NME7: variants seen among roughly 807,000 people sequenced by gnomAD.
The protein encoded by NME7 is NME/NM23 family member 7.
Under a neutral mutation model 49.1 loss-of-function variants are expected in NME7, and 41 were observed. That is an observed-to-expected ratio of 0.83 (90% CI 0.65 to 1.08). NME7 has a LOEUF of 1.08. NME7 is among the 50% of genes least tolerant of loss of function. The probability of loss-of-function intolerance (pLI) is 0.00; values close to 1 mark genes in which losing one functional copy is unlikely to be tolerated. For missense variants in NME7, 423 were observed against 463.4 expected, an observed-to-expected ratio of 0.91 and a Z score of 0.80; for synonymous variants, 139 against 150.6, an observed-to-expected ratio of 0.92 and a Z score of 0.56.
intron 7 of NME7, among the ~76,000 whole-genome samples, chr1:169,279,441 A>G (rs1210345426): frequency 6.6e-5 from 10 of 152,124 alleles, no homozygotes; most frequent in African/African-American, 2.2e-4. Context: ...TTGATCTCAC[A>G]CTGCTGTGCT....
At chr1:169,240,229 AT>A (rs1388604197) in intron 7 of NME7, among the ~76,000 whole-genome samples, 1 of 151,942 alleles carries the variant, frequency 6.6e-6, no homozygotes, top group African/African-American at 2.4e-5. Flanking sequence ...TGTGAGGAAA[AT>A]TATAATTTTT....
At chr1:169,177,831 C>CT (rs1659800669) in intron 10 of NME7, among the ~76,000 whole-genome samples, 1 of 130,054 alleles carries the variant, frequency 7.7e-6, no homozygotes, top group Non-Finnish European at 1.7e-5. Flanking sequence ...CAGCAATTCT[C>CT]TTTTTTTGTT....
At chr1:169,340,591 A>G (rs528878439) in intron 1 of NME7, among the ~76,000 whole-genome samples, 1 of 152,322 alleles carries the variant, frequency 6.6e-6, no homozygotes, top group African/African-American at 2.4e-5. Flanking sequence ...CTCAGAAGAA[A>G]AGAAGATGTG....
rs1171562921 is a variant in NME7 at position 169,275,008 on chromosome 1, G to T, written c.754+12295C>A. Among the ~76,000 whole-genome samples, 2 of 132,448 alleles carry T rather than the reference G, an allele frequency of 1.5e-5. 1 individual carries two copies. The highest frequency in any genetic ancestry group is 3.5e-5 in the Non-Finnish European group (2 of 56,544). The allele number at this position is 132,448 out of a possible 152,430, so 86.9% of individuals were successfully genotyped here. Reference sequence around the variant, plus strand: ...GTTTTTTCCAATTCTGTGAAGAAAGGCATTGGTAGCTTGATGGGGATGGCA... The same window carrying T: ...GTTTTTTCCAATTCTGTGAAGAAAGTCATTGGTAGCTTGATGGGGATGGCA... On this transcript the variant is annotated intron_variant, in intron 7 of 11. Coordinates refer to ENST00000367811, the MANE Select transcript of NME7 (RefSeq NM_013330.5).
chr1:169,218,184 T>C (rs943994557), intron 10 of NME7, among the ~76,000 whole-genome samples: 2 of 152,312 alleles, frequency 1.3e-5, no homozygotes, highest in Admixed American at 6.5e-5. Flanking sequence ...ACAGTTTAGC[T>C]ACACTTTTAG....
intron 10 of NME7, among the ~76,000 whole-genome samples, chr1:169,225,297 T>A (rs1351426792): frequency 6.6e-6 from 1 of 152,108 alleles, no homozygotes; most frequent in African/African-American, 2.4e-5. Context: ...TTAGCAGAGA[T>A]GGGGTTTCGC....
chr1:169,143,465 C>T (rs12728466), intron 11 of NME7, among the ~76,000 whole-genome samples: 67,545 of 151,574 alleles, frequency 0.45, 15,483 homozygotes, highest in East Asian at 0.79. Context: ...CTTAATCCCC[C>T]ATCTACACCA....
intron 10 of NME7, among the ~76,000 whole-genome samples, chr1:169,215,800 T>A (rs1397698150): frequency 6.6e-6 from 1 of 152,180 alleles, no homozygotes; most frequent in Non-Finnish European, 1.5e-5. Flanking sequence ...ATCCTGCCAT[T>A]TGTGACAATA....
intron 10 of NME7, among the ~76,000 whole-genome samples, chr1:169,202,459 G>A (rs920774405): frequency 3.9e-5 from 6 of 152,182 alleles, no homozygotes; most frequent in African/African-American, 1.4e-4. Context: ...AAAACCATGA[G>A]CCAATTAAAT....
At position 169,307,814 on chromosome 1, in the gene NME7, G is replaced by T. The variant is rs970960059; in HGVS notation, c.389+2156C>A. Among the ~76,000 whole-genome samples the T allele has an allele frequency of 2.0e-4, 30 of 152,242 alleles. 1 individual carries two copies. The highest frequency in any genetic ancestry group is 6.7e-4 in the African/African-American group (28 of 41,552). Reference sequence around the variant, plus strand: ...GCGGGTGAATCATTTGAGGTCAGGAGTTCAAGACTAGCTTGGCCAACATGG... The same window carrying T: ...GCGGGTGAATCATTTGAGGTCAGGATTTCAAGACTAGCTTGGCCAACATGG... On this transcript the variant is annotated intron_variant, in intron 4 of 11. Transcript: ENST00000367811.
At chr1:169,177,061 T>C (rs1014866538) in intron 10 of NME7, among the ~76,000 whole-genome samples, 2 of 152,146 alleles carry the variant, frequency 1.3e-5, no homozygotes, top group Non-Finnish European at 2.9e-5. Context: ...ATTCTTAATA[T>C]CTCCCCGCAA....
intron 11 of NME7, among the ~76,000 whole-genome samples, chr1:169,148,940 T>C (rs1055223664): frequency 2.6e-5 from 4 of 152,256 alleles, no homozygotes; most frequent in African/African-American, 9.6e-5. Context: ...TTTCACAAGA[T>C]GCCCATACAC....
chr1:169,281,616 A>G (rs1208073767), intron 7 of NME7, among the ~76,000 whole-genome samples: 1 of 152,162 alleles, frequency 6.6e-6, no homozygotes, highest in East Asian at 1.9e-4. Flanking sequence ...TATTATTTTG[A>G]GATATGTTCC....
chr1:169,185,594 T>C (rs1401113671), intron 10 of NME7, among the ~76,000 whole-genome samples: 4 of 152,112 alleles, frequency 2.6e-5, no homozygotes, highest in South Asian at 2.1e-4. Context: ...TCTAGAAAAA[T>C]TGTCACTTCC....
At chr1:169,324,611 CTATTA>C (rs1262108071) in intron 1 of NME7, 111 bp from the exon 2 acceptor site, 1 of 641,994 alleles carries the variant, frequency 1.6e-6, no homozygotes, top group Non-Finnish European at 2.7e-6. Flanking sequence ...TTACTTCTAC[CTATTA>C]TATTGAATGT....
In NME7 at chr1:169,287,286, T is replaced by C. The variant is rs7544446; in HGVS notation, c.754+17A>G. The stretch of plus-strand genomic sequence containing the variant: ...TCCTATTAACAAAATGTACTGAATA[T>C]AGTGTATTCAACATACCTTCACTGA... On this transcript the variant is annotated intron_variant, in intron 7 of 11. Transcript: ENST00000367811. The C allele has an allele frequency of 0.058, 87,658 of 1,512,078 alleles. 3,590 individuals are homozygous for C. The highest frequency in any genetic ancestry group is 0.18 in the African/African-American group (13,407 of 72,930). 93.7% of individuals were successfully genotyped at this position (1,512,078 alleles called of 1,614,324 possible).
At chr1:169,177,950 C>A (rs1221291714) in intron 10 of NME7, among the ~76,000 whole-genome samples, 1 of 152,132 alleles carries the variant, frequency 6.6e-6, no homozygotes, top group Non-Finnish European at 1.5e-5. Context: ...CATTCTCCTG[C>A]CTCAGCCTCC....
intron 7 of NME7, among the ~76,000 whole-genome samples, chr1:169,242,031 T>C (rs920008371): frequency 1.1e-4 from 16 of 152,016 alleles, no homozygotes; most frequent in African/African-American, 3.9e-4. Context: ...TCAAACAATA[T>C]TCCTGCCTCA....
intron 7 of NME7, among the ~76,000 whole-genome samples, chr1:169,250,904 T>C (rs1184587232): frequency 3.9e-5 from 6 of 152,120 alleles, no homozygotes; most frequent in Non-Finnish European, 8.8e-5. Flanking sequence ...ATATGGTCTA[T>C]TGTGGAGAAT....
Sources: allele counts gnomAD v4.1 joint callset (sites outside exome capture counted in the v4.1 genomes callset), GRCh38; gene constraint gnomAD v4.1.1; transcripts MANE v1.5; gene names NCBI Gene and HGNC (gene_info 2026-07-23, HGNC 2026-07-21).